Variants in GALNT7 observed in about 807,000 individuals in gnomAD.
The protein encoded by GALNT7 is N-acetylgalactosaminyltransferase 7.
In GALNT7, 60 loss-of-function variants were observed where a neutral mutation model predicts 82.1. That is an observed-to-expected ratio of 0.73 (90% CI 0.59 to 0.91). The LOEUF is 0.91. Among genes scored for constraint, GALNT7 ranks in the 40% least tolerant of loss-of-function variants. The probability of loss-of-function intolerance (pLI) is 0.00; values close to 1 mark genes in which losing one functional copy is unlikely to be tolerated. For synonymous variants in GALNT7, 243 were observed against 275.1 expected, an observed-to-expected ratio of 0.88 and a Z score of 1.15; for missense variants, 660 against 804.2, an observed-to-expected ratio of 0.82 and a Z score of 2.17.
chr4:173,295,081 C>T (rs140645484), intron 3 of GALNT7, among the ~76,000 whole-genome samples: 2 of 152,092 alleles, frequency 1.3e-5, no homozygotes, highest in Non-Finnish European at 2.9e-5. Flanking sequence ...TTCCTGAAAG[C>T]GTTCAGATTT....
chr4:173,217,731 T>C (rs568111548), intron 1 of GALNT7, among the ~76,000 whole-genome samples: 74 of 152,326 alleles, frequency 4.9e-4, no homozygotes, highest in Non-Finnish European at 7.8e-4. Flanking sequence ...CATATGCGCT[T>C]TAAGACACAC....
intron 8 of GALNT7, among the ~76,000 whole-genome samples, chr4:173,306,734 T>C (rs904377735): frequency 5.3e-5 from 8 of 152,264 alleles, no homozygotes; most frequent in African/African-American, 1.9e-4. Context: ...ATTTCAATTA[T>C]TTCTCTGTGT....
intron 11 of GALNT7, among the ~76,000 whole-genome samples, chr4:173,319,678 G>A (rs1452879907): frequency 2.0e-5 from 3 of 152,210 alleles, no homozygotes; most frequent in African/African-American, 4.8e-5. Flanking sequence ...TTTTAAAGAC[G>A]CAGCACTGAA....
At chr4:173,243,628 T>G (rs1474663911) in intron 1 of GALNT7, among the ~76,000 whole-genome samples, 1 of 152,220 alleles carries the variant, frequency 6.6e-6, no homozygotes, top group African/African-American at 2.4e-5. Context: ...TAAGATTTGA[T>G]GTGATTATTC....
intron 1 of GALNT7, among the ~76,000 whole-genome samples, chr4:173,241,033 C>T (rs1480501199): frequency 1.3e-5 from 2 of 151,988 alleles, no homozygotes; most frequent in African/African-American, 2.4e-5. Flanking sequence ...GGATAATCTT[C>T]ATATGAGGTT....
rs376616235 is a variant in GALNT7, at chr4:173,298,077, G to T, written c.966-38G>T. The T allele has an allele frequency of 1.7e-5, 28 of 1,600,968 alleles. No individual in the cohort carries two copies. The African/African-American group carries it at 3.5e-4, about 20-fold the overall frequency. ...TATAAATGTGTGGGTCCATACATAC[G>T]CTTCCATTTGATCTTTGCTGCCATC... On this transcript the variant is annotated intron_variant, in intron 5 of 11. Coordinates refer to ENST00000265000, the MANE Select transcript of GALNT7 (RefSeq NM_017423.3).
intron 1 of GALNT7, among the ~76,000 whole-genome samples, chr4:173,187,270 T>A (rs1378825544): frequency 6.6e-6 from 1 of 152,174 alleles, no homozygotes; most frequent in Non-Finnish European, 1.5e-5. Flanking sequence ...GATTGCTTTT[T>A]TAATTTCACT....
At chr4:173,204,847 G>T (rs535092867) in intron 1 of GALNT7, among the ~76,000 whole-genome samples, 4 of 152,206 alleles carry the variant, frequency 2.6e-5, no homozygotes, top group African/African-American at 9.6e-5. Context: ...TGTTCTTTTG[G>T]TGGTATTATG....
intron 1 of GALNT7, among the ~76,000 whole-genome samples, chr4:173,193,306 A>G (rs1462683118): frequency 6.6e-6 from 1 of 152,244 alleles, no homozygotes; most frequent in Non-Finnish European, 1.5e-5. Flanking sequence ...AAATCATTCT[A>G]GAGTAACATA....
intron 1 of GALNT7, chr4:173,169,417 ATGCCGCCACCGC>A (rs1731769115): frequency 6.6e-6 from 1 of 150,862 alleles, no homozygotes; most frequent in Non-Finnish European, 1.5e-5. Context: ...CGAGATGCCG[ATGCCGCCACCGC>A]TGGTCCGGTG....
intron 1 of GALNT7, among the ~76,000 whole-genome samples, chr4:173,189,480 C>A (rs1292128163): frequency 6.6e-6 from 1 of 152,196 alleles, no homozygotes; most frequent in Non-Finnish European, 1.5e-5. Context: ...ATCGGAAACT[C>A]ATTTCATATC....
intron 1 of GALNT7, among the ~76,000 whole-genome samples, chr4:173,241,720 G>A (rs1363018319): frequency 2.0e-5 from 3 of 152,140 alleles, no homozygotes; most frequent in Non-Finnish European, 4.4e-5. Flanking sequence ...AGCCTAGGAA[G>A]ATACTTATTT....
chr4:173,188,300 C>A (rs1195902165), intron 1 of GALNT7, among the ~76,000 whole-genome samples: 1 of 152,148 alleles, frequency 6.6e-6, no homozygotes, highest in Non-Finnish European at 1.5e-5. Context: ...GACTGCAGAG[C>A]CTACCTTTTC....
At chr4:173,254,498 T>C (rs1734956072) in intron 2 of GALNT7, among the ~76,000 whole-genome samples, 1 of 152,228 alleles carries the variant, frequency 6.6e-6, no homozygotes, top group Non-Finnish European at 1.5e-5. Flanking sequence ...TTTATGTATC[T>C]TGATCCATAG....
chr4:173,287,263 T>C (rs1271187506), intron 2 of GALNT7, among the ~76,000 whole-genome samples: 1 of 152,276 alleles, frequency 6.6e-6, no homozygotes, highest in African/African-American at 2.4e-5. Flanking sequence ...CCCCATTTTC[T>C]GATGCTATCA....
intron 1 of GALNT7, among the ~76,000 whole-genome samples, chr4:173,215,691 A>G (rs1733422870): frequency 6.6e-6 from 1 of 152,244 alleles, no homozygotes; most frequent in Admixed American, 6.5e-5. Context: ...TTCAAGGAGC[A>G]TTCTGACAAT....
intron 1 of GALNT7, among the ~76,000 whole-genome samples, chr4:173,191,230 G>T (rs183109462): frequency 6.0e-4 from 92 of 152,240 alleles, no homozygotes; most frequent in Admixed American, 1.7e-3. Context: ...GATGGGATGG[G>T]GGGGGTACTT....
intron 2 of GALNT7, among the ~76,000 whole-genome samples, chr4:173,280,847 T>C (rs1271496514): frequency 1.3e-5 from 2 of 152,244 alleles, no homozygotes; most frequent in South Asian, 4.1e-4. Context: ...CAAGGCTTTG[T>C]GTATTATAAA....
At chr4:173,239,206 A>G (rs981691376) in intron 1 of GALNT7, among the ~76,000 whole-genome samples, 9 of 152,212 alleles carry the variant, frequency 5.9e-5, no homozygotes, top group Admixed American at 2.0e-4. Flanking sequence ...CAAATTTTAG[A>G]TTTGTAGGGA....
Sources: allele counts gnomAD v4.1 joint callset (sites outside exome capture counted in the v4.1 genomes callset), GRCh38; gene constraint gnomAD v4.1.1; transcripts MANE v1.5; gene names NCBI Gene and HGNC (gene_info 2026-07-23, HGNC 2026-07-21).